The following PDE4D variants were observed in gnomAD, a reference collection of about 807,000 sequenced individuals.
PDE4D encodes the protein phosphodiesterase 4D.
Under a neutral mutation model 87.4 loss-of-function variants are expected in PDE4D, and 24 were observed. The ratio of observed to expected loss-of-function variants is 0.27; its 90% confidence interval spans 0.20 to 0.39. PDE4D has a LOEUF of 0.39. Ranked by LOEUF, PDE4D falls within the 10% of genes least tolerant of loss-of-function variation. The pLI is 1.00. For synonymous variants in PDE4D, 384 were observed against 383.2 expected (o/e 1.00, Z -0.02); for missense variants, 714 against 1,041.0 (o/e 0.69, Z 4.32).
At chr5:59,863,004 T>C (rs898006575) in intron 1 of PDE4D, among the ~76,000 whole-genome samples, 10 of 152,230 alleles carry the variant, frequency 6.6e-5, no homozygotes, top group African/African-American at 2.4e-4. Flanking sequence ...CAGTATATTT[T>C]CTAGGGAGGA....
intron 1 of PDE4D, among the ~76,000 whole-genome samples, chr5:60,218,810 A>T (rs1744165688): frequency 6.6e-6 from 1 of 152,100 alleles, no homozygotes; most frequent in Admixed American, 6.6e-5. Flanking sequence ...TCACACCAAA[A>T]TGCATTTACA....
rs574084800 is a variant in PDE4D at position 59,961,235 on chromosome 5, A to G, written c.272+27253T>C. Among the ~76,000 whole-genome samples, 218 of 152,046 alleles carry G rather than the reference A, an allele frequency of 1.4e-3. 2 individuals are homozygous for G. The highest frequency in any genetic ancestry group is 3.1e-3 in the South Asian group (15 of 4,806). Reference sequence around the variant, plus strand: ...TGTATTAGGGTGAGCTACAAGTCCAATGATTTATGATTTCCTCAAGAAATT... The same window carrying G: ...TGTATTAGGGTGAGCTACAAGTCCAGTGATTTATGATTTCCTCAAGAAATT... On this transcript the variant is annotated intron_variant, in intron 3 of 16. Coordinates refer to the PDE4D transcript ENST00000502484.
rs908813869 is a variant in PDE4D at position 60,201,617 on chromosome 5, C to A, written c.-89-15930G>T. 2.6e-5 allele frequency among the ~76,000 whole-genome samples: 4 copies of A among 152,176 alleles called. No individual in the cohort carries two copies. In the East Asian group the frequency reaches 7.7e-4, roughly 29 times the overall value. ...GATCATGAGTCCCACATTCCCATCA[C>A]ACAGCTACAACAATATCAACATTTT... On this transcript the variant is annotated intron_variant, in intron 1 of 16. Coordinates refer to the PDE4D transcript ENST00000502484.
chr5:59,833,270 T>C lies in PDE4D; in HGVS notation c.455+59898A>G, dbSNP rs1246343194. ...AGAGTGACTGACCTGATGCAGAAGA[T>C]TCTGGAAAGGCAGTGAGTGACAGCA... On this transcript the variant is annotated intron_variant, in intron 1 of 14. Coordinates refer to ENST00000340635, the MANE Select transcript of PDE4D (RefSeq NM_001104631.2). Among the ~76,000 whole-genome samples the C allele has an allele frequency of 5.9e-5, 9 of 151,942 alleles. No homozygotes were observed. The East Asian group carries it at 1.6e-3, about 26-fold the overall frequency.
chr5:59,308,671 G>A (rs1561928001), intron 1 of PDE4D, among the ~76,000 whole-genome samples: 1 of 151,842 alleles, frequency 6.6e-6, no homozygotes, highest in Admixed American at 6.6e-5. Flanking sequence ...GGGGTTGGGG[G>A]GCGCAATGGG....
At chr5:59,114,898 A>G (rs1253856034) in intron 5 of PDE4D, among the ~76,000 whole-genome samples, 1 of 146,510 alleles carries the variant, frequency 6.8e-6, no homozygotes, top group Admixed American at 6.6e-5. Flanking sequence ...GAAAAGAAAA[A>G]GAAAATGATA....
At chr5:59,972,297 C>T (rs982173722) in intron 3 of PDE4D, among the ~76,000 whole-genome samples, 2 of 152,210 alleles carry the variant, frequency 1.3e-5, no homozygotes, top group Non-Finnish European at 2.9e-5. Flanking sequence ...GGATTGGATA[C>T]TGAGTAGCCC....
intron 1 of PDE4D, among the ~76,000 whole-genome samples, chr5:59,617,236 G>A (rs756595935): frequency 6.6e-6 from 1 of 151,994 alleles, no homozygotes; most frequent in Non-Finnish European, 1.5e-5. Flanking sequence ...ACCTTGAAGA[G>A]CTCAATTTGG....
chr5:59,756,804 T>G (rs35023869), intron 1 of PDE4D, among the ~76,000 whole-genome samples: 1 of 141,440 alleles, frequency 7.1e-6, no homozygotes, highest in Admixed American at 7.3e-5. Context: ...AATGTGGAGG[T>G]TCTTACTTTT....
intron 1 of PDE4D, among the ~76,000 whole-genome samples, chr5:59,229,409 T>G (rs1299291394): frequency 6.6e-6 from 1 of 152,186 alleles, no homozygotes; most frequent in Non-Finnish European, 1.5e-5. Context: ...TTAGCACATT[T>G]GAAGAAATAA....
chr5:59,664,154 T>C (rs556328101), intron 1 of PDE4D, among the ~76,000 whole-genome samples: 1 of 152,326 alleles, frequency 6.6e-6, no homozygotes, highest in Admixed American at 6.5e-5. Context: ...CAAAGATGGA[T>C]GTATACAAAT....
chr5:59,785,863 A>G (rs1315306235), intron 1 of PDE4D, among the ~76,000 whole-genome samples: 2 of 152,104 alleles, frequency 1.3e-5, no homozygotes, highest in East Asian at 3.8e-4. Context: ...CAACTCCTGC[A>G]TTTGTTGCCA....
At chr5:60,043,140 C>G (rs983664315) in intron 2 of PDE4D, among the ~76,000 whole-genome samples, 1 of 151,564 alleles carries the variant, frequency 6.6e-6, no homozygotes, top group Admixed American at 6.6e-5. Context: ...ACAAGAACTT[C>G]CTGAAGCATA....
intron 3 of PDE4D, among the ~76,000 whole-genome samples, chr5:59,972,548 C>A (rs1327022944): frequency 2.6e-5 from 4 of 152,204 alleles, no homozygotes; most frequent in African/African-American, 9.6e-5. Flanking sequence ...CAGTGCTAAA[C>A]AATTTGGAGT....
intron 1 of PDE4D, among the ~76,000 whole-genome samples, chr5:59,854,984 T>G (rs1023075463): frequency 2.6e-5 from 4 of 152,090 alleles, no homozygotes; most frequent in Non-Finnish European, 5.9e-5. Context: ...AAGGAGGGAC[T>G]TGGAGAAATC....
rs76109983 is a variant in PDE4D, at chr5:60,325,074, G to C, written c.-89-139387C>G. On this transcript the variant is annotated intron_variant, in intron 1 of 16. Coordinates refer to the PDE4D transcript ENST00000502484. Reference sequence around the variant, plus strand: ...AAAGAATTGCATTGGGGCAGTCATGGAACTAGAGAATGGATATTATATTCT... The same window carrying C: ...AAAGAATTGCATTGGGGCAGTCATGCAACTAGAGAATGGATATTATATTCT... Among the ~76,000 whole-genome samples the C allele has an allele frequency of 6.1e-3, 935 of 152,266 alleles. 5 individuals are homozygous for C. Among genetic ancestry groups the C allele is most frequent in the African/African-American group, 0.022 (900 of 41,546 alleles).
At chr5:59,781,716 C>T (rs1310455254) in intron 1 of PDE4D, among the ~76,000 whole-genome samples, 7 of 125,664 alleles carry the variant, frequency 5.6e-5, no homozygotes, top group Non-Finnish European at 1.1e-4. Context: ...ATCCAGGAGG[C>T]GGAGGTTGCA....
intron 1 of PDE4D, among the ~76,000 whole-genome samples, chr5:59,527,708 A>G (rs1813412006): frequency 6.6e-6 from 1 of 152,186 alleles, no homozygotes; most frequent in African/African-American, 2.4e-5. Context: ...TATTTAATTA[A>G]TAAGAGCTGC....
Position 59,383,877 on chromosome 5 carries a change from A to ATTTTTG in PDE4D, c.456-167915_456-167910dup, listed in dbSNP as rs1030718072. Among the ~76,000 whole-genome samples the ATTTTTG allele has an allele frequency of 2.6e-5, 4 of 151,948 alleles. No homozygotes were observed. In the South Asian group the frequency reaches 6.2e-4, roughly 24 times the overall value. ...TTAAATTTTTAGCTAGAAGTAAACCATTTTTGTTTTTGTTTTTGTATTTGT... is the reference window on the plus strand; with the variant it reads ...TTAAATTTTTAGCTAGAAGTAAACCATTTTTGTTTTTGTTTTTGTTTTTGTATTTGT... On this transcript the variant is annotated intron_variant, in intron 1 of 14. Transcript: ENST00000340635.
Sources: gnomAD v4.1 joint callset for allele counts (sites outside exome capture counted in the v4.1 genomes callset) on GRCh38, gnomAD v4.1.1 for gene constraint, MANE v1.5 for transcripts, NCBI Gene and HGNC (gene_info 2026-07-23, HGNC 2026-07-21) for gene names.